Variants in KCNC2 observed in about 807,000 individuals in gnomAD.
The protein encoded by KCNC2 is potassium voltage-gated channel subfamily C member 2.
Under a neutral mutation model 44.5 loss-of-function variants are expected in KCNC2, and 21 were observed. That is an observed-to-expected ratio of 0.47 (90% CI 0.33 to 0.68). The LOEUF (loss-of-function observed/expected upper bound fraction) is 0.68. KCNC2 is among the 30% of genes least tolerant of loss of function. KCNC2 has a pLI of 0.01. For missense variants in KCNC2, 589 were observed against 826.2 expected, an observed-to-expected ratio of 0.71 and a Z score of 3.52; for synonymous variants, 391 against 339.1, an observed-to-expected ratio of 1.15 and a Z score of -1.68.
chr12:75,181,857 C>T (rs780442079), intron 2 of KCNC2, among the ~76,000 whole-genome samples: 1 of 139,778 alleles, frequency 7.2e-6, no homozygotes, highest in African/African-American at 2.6e-5. Context: ...CACATCTCTT[C>T]AATCATTTAA....
At chr12:75,137,886 T>G (rs1889346101) in intron 2 of KCNC2, among the ~76,000 whole-genome samples, 1 of 152,156 alleles carries the variant, frequency 6.6e-6, no homozygotes. Context: ...CTGTTAGCAG[T>G]TCACATTATT....
intron 2 of KCNC2, among the ~76,000 whole-genome samples, chr12:75,059,037 C>T (rs570860270): frequency 6.6e-6 from 1 of 152,010 alleles, no homozygotes; most frequent in Admixed American, 6.6e-5. Flanking sequence ...ACTAGAGTCT[C>T]CCTTCCTCCT....
intron 2 of KCNC2, among the ~76,000 whole-genome samples, chr12:75,116,748 CAGCCTGT>C (rs1887686879): frequency 6.6e-6 from 1 of 152,150 alleles, no homozygotes; most frequent in Non-Finnish European, 1.5e-5. Context: ...CTGGCAGTCT[CAGCCTGT>C]AGCCTGTACC....
chr12:75,076,413 G>A (rs1883982039), intron 2 of KCNC2, among the ~76,000 whole-genome samples: 1 of 152,036 alleles, frequency 6.6e-6, no homozygotes, highest in African/African-American at 2.4e-5. Context: ...GCTGGGACTA[G>A]AGGCGCCCGC....
chr12:75,042,469 T>C lies in KCNC2; in HGVS notation c.*636A>G. 1 of 1,488,150 alleles carries C rather than the reference T, an allele frequency of 6.7e-7. No homozygotes were observed. Among genetic ancestry groups the C allele is most frequent in the Non-Finnish European group, 9.0e-7 (1 of 1,115,732 alleles). The allele number at this position is 1,488,150 out of a possible 1,614,324, so 92.2% of individuals were successfully genotyped here. On this transcript the variant is annotated 3_prime_UTR_variant, in exon 5 of 5. Transcript: ENST00000549446. ...GAAATTAAACTATTTAAAACATATA[T>C]TTCTTTCAAATAATAAGAAAAAAAT...
At chr12:75,047,490 A>C (rs535140344) in intron 4 of KCNC2, among the ~76,000 whole-genome samples, 1 of 152,230 alleles carries the variant, frequency 6.6e-6, no homozygotes, top group Admixed American at 6.5e-5. Context: ...TGTCAGGAAC[A>C]GTTCATGTCT....
intron 2 of KCNC2, among the ~76,000 whole-genome samples, chr12:75,086,144 G>A (rs1884975295): frequency 1.3e-5 from 2 of 151,964 alleles, no homozygotes; most frequent in Admixed American, 1.3e-4. Flanking sequence ...TGACTCTAAA[G>A]TTTCTCTATA....
rs2031745685 is a variant in KCNC2, at chr12:75,207,117, G to A, written c.687+180C>T. ...GAGGAGAAAGATGGGACTGGGTAGG[G>A]ATGGTGGCCGGGGTCCCTGGGTTTA... is the stretch of plus-strand genomic sequence containing the variant. On this transcript the variant is annotated intron_variant, in intron 2 of 4. Coordinates refer to ENST00000549446, the MANE Select transcript of KCNC2 (RefSeq NM_139137.4). This position sits in a 1 kb window ranked among gnomAD's most constrained non-coding sequence, Gnocchi z 4.1. Among the ~76,000 whole-genome samples, 1 of 152,198 alleles carries A rather than the reference G, an allele frequency of 6.6e-6. No homozygotes were observed. The highest frequency in any genetic ancestry group is 1.5e-5 in the Non-Finnish European group (1 of 68,034).
intron 2 of KCNC2, among the ~76,000 whole-genome samples, chr12:75,145,332 C>T (rs751378969): frequency 6.6e-6 from 1 of 151,964 alleles, no homozygotes; most frequent in Non-Finnish European, 1.5e-5. Flanking sequence ...GTTTAAAATG[C>T]CTGGGCCAAA....
At chr12:75,127,517 G>A (rs1032981484) in intron 2 of KCNC2, among the ~76,000 whole-genome samples, 2 of 152,102 alleles carry the variant, frequency 1.3e-5, no homozygotes, top group African/African-American at 4.8e-5. Context: ...AAAACATGTA[G>A]ACTCCCATTG....
intron 2 of KCNC2, among the ~76,000 whole-genome samples, chr12:75,069,105 A>T (rs998572760): frequency 6.2e-5 from 9 of 145,594 alleles, no homozygotes; most frequent in African/African-American, 2.3e-4. Flanking sequence ...ACAGGACTAA[A>T]AAACAGTTTC....
chr12:75,140,657 C>A (rs1395076905), intron 2 of KCNC2, among the ~76,000 whole-genome samples: 1 of 151,016 alleles, frequency 6.6e-6, no homozygotes, highest in Non-Finnish European at 1.5e-5. Context: ...AATGGAAAAA[C>A]CAAAACGCAG....
chr12:75,089,483 A>G (rs143795310), intron 2 of KCNC2, among the ~76,000 whole-genome samples: 1 of 152,016 alleles, frequency 6.6e-6, no homozygotes, highest in Admixed American at 6.6e-5. Context: ...CCGGTTAAAT[A>G]AAAATACAAT....
In KCNC2 at chr12:75,158,957, T is replaced by C. The variant is rs117625927; in HGVS notation, c.687+48340A>G. On this transcript the variant is annotated intron_variant, in intron 2 of 4. Transcript: ENST00000549446. Reference sequence around the variant, plus strand: ...TTACAAAAGGCATGGAAGTGTGGGGTAAATATAAGCCCTTGGTAGGGGTAG... The same window carrying C: ...TTACAAAAGGCATGGAAGTGTGGGGCAAATATAAGCCCTTGGTAGGGGTAG... Among the ~76,000 whole-genome samples the C allele has an allele frequency of 9.9e-3, 1,505 of 151,476 alleles. 6 individuals carry two copies. The highest frequency in any genetic ancestry group is 0.014 in the Non-Finnish European group (969 of 67,772).
chr12:75,200,740 T>C (rs776803948), intron 2 of KCNC2, among the ~76,000 whole-genome samples: 46 of 151,918 alleles, frequency 3.0e-4, no homozygotes, highest in Non-Finnish European at 5.3e-4. Context: ...TATATCTTAA[T>C]GAACATTATG....
At chr12:75,072,434 T>TA (rs1412599076) in intron 2 of KCNC2, among the ~76,000 whole-genome samples, 1 of 152,138 alleles carries the variant, frequency 6.6e-6, no homozygotes, top group East Asian at 1.9e-4. Context: ...TTCAATTATT[T>TA]AAAAAAATTA....
At chr12:75,134,719 T>C (rs1436217753) in intron 2 of KCNC2, among the ~76,000 whole-genome samples, 1 of 151,944 alleles carries the variant, frequency 6.6e-6, no homozygotes, top group Non-Finnish European at 1.5e-5. Context: ...TATCTATTCA[T>C]AGATAATGAA....
chr12:75,154,119 A>G (rs1435969474), intron 2 of KCNC2, among the ~76,000 whole-genome samples: 2 of 152,106 alleles, frequency 1.3e-5, no homozygotes, highest in Non-Finnish European at 2.9e-5. Flanking sequence ...ACTCTAAAAA[A>G]GAAATATATT....
At chr12:75,156,032 C>T (rs1253417579) in intron 2 of KCNC2, among the ~76,000 whole-genome samples, 1 of 151,644 alleles carries the variant, frequency 6.6e-6, no homozygotes, top group Non-Finnish European at 1.5e-5. Context: ...AATAATTTTC[C>T]AACAGTCTGA....
Sources: gnomAD v4.1 joint callset for allele counts (sites outside exome capture counted in the v4.1 genomes callset) on GRCh38, gnomAD v4.1.1 for gene constraint, Gnocchi (gnomAD v3.1) non-coding constraint, MANE v1.5 for transcripts, NCBI Gene and HGNC (gene_info 2026-07-23, HGNC 2026-07-21) for gene names.